The following ARHGAP18 variants were observed in gnomAD, a reference collection of about 807,000 sequenced individuals.
ARHGAP18 encodes the protein rho GTPase-activating protein 18.
ARHGAP18 carries 67 observed loss-of-function variants against 86.2 expected under a neutral mutation model. That is an observed-to-expected ratio of 0.78 (90% CI 0.64 to 0.95). The LOEUF (loss-of-function observed/expected upper bound fraction) is 0.95, where lower values mean the gene tolerates loss of function less well. Among genes scored for constraint, ARHGAP18 ranks in the 40% least tolerant of loss-of-function variants. ARHGAP18 has a pLI of 0.00. For missense variants in ARHGAP18, 691 were observed against 780.4 expected (o/e 0.89, Z 1.37); for synonymous variants, 283 against 280.4 (o/e 1.01, Z -0.09).
At chr6:129,695,555 G>A (rs1227533714) in intron 1 of ARHGAP18, among the ~76,000 whole-genome samples, 1 of 152,164 alleles carries the variant, frequency 6.6e-6, no homozygotes, top group African/African-American at 2.4e-5. Flanking sequence ...TTTAAAAGGG[G>A]ATTAGTCTTT....
At chr6:129,638,654 C>G (rs745651253) in intron 2 of ARHGAP18, 25 bp from the exon 3 acceptor site, 11 of 1,586,590 alleles carry the variant, frequency 6.9e-6, no homozygotes, top group Non-Finnish European at 9.4e-6. Flanking sequence ...AAAAGTGGTA[C>G]TTAAATCACA....
intron 1 of ARHGAP18, among the ~76,000 whole-genome samples, chr6:129,687,589 A>C (rs887017975): frequency 1.3e-5 from 2 of 152,202 alleles, no homozygotes; most frequent in African/African-American, 4.8e-5. Context: ...CTAGGAAAGC[A>C]GGCTTCAGAC....
chr6:129,622,250 A>G (rs73776334), intron 5 of ARHGAP18, among the ~76,000 whole-genome samples: 1,707 of 152,326 alleles, frequency 0.011, 20 homozygotes, highest in East Asian at 0.043. Flanking sequence ...TAAAAATCAC[A>G]CAAAACTGGT....
At position 129,629,270 on chromosome 6, in the gene ARHGAP18, T is replaced by C; in HGVS notation, c.786+83A>G. On this transcript the variant is annotated intron_variant, in intron 5 of 14. Transcript: ENST00000368149. ...CTCTATATATATATATATGTGTGTGTGCGTGTGTGTGTATGTATATGTGTG... is the reference window on the plus strand; with the variant it reads ...CTCTATATATATATATATGTGTGTGCGCGTGTGTGTGTATGTATATGTGTG... 8.7e-6 allele frequency: 10 copies of C among 1,149,888 alleles called. No individual in the cohort carries two copies. In the South Asian group the frequency reaches 1.4e-4, roughly 16 times the overall value. The allele number at this position is 1,149,888 out of a possible 1,614,324, so 71.2% of individuals were successfully genotyped here.
intron 1 of ARHGAP18, among the ~76,000 whole-genome samples, chr6:129,651,170 T>TAA (rs140168421): frequency 0.036 from 5,397 of 149,268 alleles, 297 homozygotes; most frequent in African/African-American, 0.12. Flanking sequence ...TACAAAGAAG[T>TAA]AAGAGAGGGA....
intron 8 of ARHGAP18, among the ~76,000 whole-genome samples, chr6:129,609,129 T>G: frequency 6.9e-6 from 1 of 143,952 alleles, no homozygotes; most frequent in African/African-American, 2.6e-5. Flanking sequence ...AGGGAAAGAA[T>G]GAGGGAGGAA....
At chr6:129,649,327 G>T (rs564467110) in intron 1 of ARHGAP18, among the ~76,000 whole-genome samples, 5 of 152,216 alleles carry the variant, frequency 3.3e-5, no homozygotes, top group African/African-American at 4.8e-5. Context: ...AGGCCGAGGC[G>T]GGCAAATCAC....
intron 5 of ARHGAP18, among the ~76,000 whole-genome samples, chr6:129,623,250 T>C (rs944120560): frequency 2.6e-5 from 4 of 152,074 alleles, no homozygotes; most frequent in African/African-American, 9.7e-5. Flanking sequence ...TTCAAAAGCT[T>C]AGTCATTAAT....
chr6:129,642,554 C>T (rs1243758135), intron 1 of ARHGAP18, among the ~76,000 whole-genome samples: 1 of 152,002 alleles, frequency 6.6e-6, no homozygotes, highest in Non-Finnish European at 1.5e-5. Context: ...CCTCAACCTC[C>T]CAAAGCACTG....
intron 1 of ARHGAP18, among the ~76,000 whole-genome samples, chr6:129,677,937 T>C (rs1376041313): frequency 3.9e-5 from 6 of 152,222 alleles, no homozygotes; most frequent in Non-Finnish European, 8.8e-5. Flanking sequence ...TATGAGTAAT[T>C]TTAATGTGGG....
chr6:129,657,830 C>T (rs1773870787), intron 1 of ARHGAP18, among the ~76,000 whole-genome samples: 1 of 152,154 alleles, frequency 6.6e-6, no homozygotes, highest in Non-Finnish European at 1.5e-5. Flanking sequence ...TTGCAATAAG[C>T]GATGGAGTAT....
intron 1 of ARHGAP18, among the ~76,000 whole-genome samples, chr6:129,646,698 C>T (rs1773587280): frequency 6.6e-6 from 1 of 152,182 alleles, no homozygotes; most frequent in Non-Finnish European, 1.5e-5. Context: ...TAATAGAAGA[C>T]ATCTGGATTC....
chr6:129,609,828 T>C (rs1788941515), intron 8 of ARHGAP18, among the ~76,000 whole-genome samples: 1 of 152,024 alleles, frequency 6.6e-6, no homozygotes, highest in African/African-American at 2.4e-5. Context: ...ATGAGATCAC[T>C]ATGTAGTAAG....
At chr6:129,634,239 G>A (rs2114492513) in intron 3 of ARHGAP18, 134 bp from the exon 4 acceptor site, 4 of 652,230 alleles carry the variant, frequency 6.1e-6, no homozygotes, top group East Asian at 5.4e-5. Context: ...GTGAAAAAGG[G>A]GCACTAAGAT....
At chr6:129,615,546 G>A (rs1258274194) in intron 7 of ARHGAP18, among the ~76,000 whole-genome samples, 4 of 152,286 alleles carry the variant, frequency 2.6e-5, no homozygotes, top group Middle Eastern at 6.8e-3. Context: ...TTTCAGAAAC[G>A]GTGATATGCC....
chr6:129,669,914 T>C (rs992412215), intron 1 of ARHGAP18, among the ~76,000 whole-genome samples: 5 of 152,232 alleles, frequency 3.3e-5, no homozygotes, highest in Non-Finnish European at 7.3e-5. Context: ...ATTGCCTTAA[T>C]TTTCTAGAGT....
intron 1 of ARHGAP18, among the ~76,000 whole-genome samples, chr6:129,676,913 C>CTTTTTTTTTTTTTTTTTTTTT (rs1562721123): frequency 5.8e-5 from 2 of 34,562 alleles, no homozygotes; most frequent in African/African-American, 1.7e-4. Flanking sequence ...ATTTTTTGTC[C>CTTTTTTTTTTTTTTTTTTTTT]TCTTTTTTTT....
Position 129,618,634 on chromosome 6 carries a change from T to G in ARHGAP18, c.952+53A>C. 5 of 1,511,052 alleles carry G rather than the reference T, an allele frequency of 3.3e-6. No homozygotes were observed. In the South Asian group the frequency reaches 6.4e-5, roughly 19 times the overall value. The allele number at this position is 1,511,052 out of a possible 1,614,324, so 93.6% of individuals were successfully genotyped here. Reference sequence around the variant, plus strand: ...CCAGAAATACTGCAAAAAAGCCAAGTCCATCCTTGCTATTTTAGAAATAAA... The same window carrying G: ...CCAGAAATACTGCAAAAAAGCCAAGGCCATCCTTGCTATTTTAGAAATAAA... On this transcript the variant is annotated intron_variant, in intron 6 of 14. Transcript: ENST00000368149.
intron 2 of ARHGAP18, among the ~76,000 whole-genome samples, chr6:129,641,044 CAAGA>C (rs1367159583): frequency 6.6e-6 from 1 of 152,002 alleles, no homozygotes; most frequent in African/African-American, 2.4e-5. Context: ...GCACCAAATA[CAAGA>C]AAGAAGTAAA....
Sources: allele counts gnomAD v4.1 joint callset (sites outside exome capture counted in the v4.1 genomes callset), GRCh38; gene constraint gnomAD v4.1.1; transcripts MANE v1.5; gene names NCBI Gene and HGNC (gene_info 2026-07-23, HGNC 2026-07-21).